The following SLC35F3 variants were observed in gnomAD, a reference collection of about 807,000 sequenced individuals.
SLC35F3 encodes putative thiamine transporter SLC35F3.
A neutral mutation model predicts 49.9 loss-of-function variants in SLC35F3; 25 were observed. The observed-to-expected ratio is 0.50, with a 90% CI of 0.37 to 0.70. The LOEUF (loss-of-function observed/expected upper bound fraction) is 0.70, where lower values mean the gene tolerates loss of function less well. Ranked by LOEUF, SLC35F3 falls within the 30% of genes least tolerant of loss-of-function variation. The probability of loss-of-function intolerance (pLI) is 0.00; values close to 1 mark genes in which losing one functional copy is unlikely to be tolerated. For synonymous variants in SLC35F3, 275 were observed against 265.4 expected, an observed-to-expected ratio of 1.04 and a Z score of -0.35; for missense variants, 525 against 639.8, an observed-to-expected ratio of 0.82 and a Z score of 1.94.
chr1:234,184,881 T>A (rs1666618520), intron 2 of SLC35F3, among the ~76,000 whole-genome samples: 1 of 152,174 alleles, frequency 6.6e-6, no homozygotes, highest in East Asian at 1.9e-4. Flanking sequence ...TGACAGCTTA[T>A]TAGAAATGCA....
intron 3 of SLC35F3, among the ~76,000 whole-genome samples, chr1:234,307,466 C>T (rs1657226748): frequency 6.6e-6 from 1 of 152,140 alleles, no homozygotes; most frequent in Admixed American, 6.5e-5. Context: ...ATAGTTGAGT[C>T]ATGAACAAAG....
chr1:233,914,015 T>G (rs1661927859), intron 2 of SLC35F3, among the ~76,000 whole-genome samples: 3 of 152,106 alleles, frequency 2.0e-5, no homozygotes, highest in South Asian at 4.1e-4. Context: ...TGACATGTCT[T>G]CATGAGAACC....
chr1:233,986,651 A>T (rs1274782526), intron 2 of SLC35F3, among the ~76,000 whole-genome samples: 1 of 152,142 alleles, frequency 6.6e-6, no homozygotes, highest in African/African-American at 2.4e-5. Flanking sequence ...TGCAGTTCTT[A>T]ATTGAATGAT....
intron 2 of SLC35F3, among the ~76,000 whole-genome samples, chr1:234,166,411 C>G (rs888729080): frequency 6.6e-6 from 1 of 152,210 alleles, no homozygotes; most frequent in Admixed American, 6.5e-5. Context: ...GGCATTTATC[C>G]ACCTTATAGT....
intron 3 of SLC35F3, among the ~76,000 whole-genome samples, chr1:234,250,901 C>G (rs190745649): frequency 3.9e-5 from 6 of 152,208 alleles, no homozygotes; most frequent in Admixed American, 2.6e-4. Flanking sequence ...CTGCACCAAG[C>G]CATTCAGGAG....
chr1:234,267,456 C>A (rs1430054420), intron 3 of SLC35F3, among the ~76,000 whole-genome samples: 68 of 140,268 alleles, frequency 4.8e-4, no homozygotes, highest in Admixed American at 7.0e-4. Flanking sequence ...TAGGGGCGGC[C>A]GGGCAGAAGC....
intron 2 of SLC35F3, among the ~76,000 whole-genome samples, chr1:234,076,535 C>T (rs535318869): frequency 4.0e-5 from 6 of 151,500 alleles, no homozygotes; most frequent in African/African-American, 1.5e-4. Flanking sequence ...AAACTTGGCT[C>T]ACTGCAACCT....
intron 2 of SLC35F3, among the ~76,000 whole-genome samples, chr1:234,179,194 G>A (rs559234073): frequency 3.7e-4 from 56 of 152,206 alleles, no homozygotes; most frequent in African/African-American, 1.3e-3. Context: ...GAACTCCTAC[G>A]CCGAGTGTTT....
chr1:234,057,793 C>A (rs919759796), intron 2 of SLC35F3, among the ~76,000 whole-genome samples: 6 of 152,148 alleles, frequency 3.9e-5, no homozygotes, highest in African/African-American at 1.2e-4. Flanking sequence ...GCAATCTCCA[C>A]CTCCCAGATT....
intron 2 of SLC35F3, among the ~76,000 whole-genome samples, chr1:234,071,602 A>G (rs1312756202): frequency 1.3e-5 from 2 of 152,232 alleles, no homozygotes; most frequent in African/African-American, 4.8e-5. Flanking sequence ...CATGAAAGTT[A>G]CAACAAATAA....
rs1664655489 is a variant in SLC35F3, at chr1:234,068,635, G to A, written c.284-162782G>A. On this transcript the variant is annotated intron_variant, in intron 2 of 7. Transcript: ENST00000366618. ...AGTACAGTAGGAGCAGGAATAGCCA[G>A]TAATCTGGGAGTCAGAGAGGTGTGT... 3.3e-5 allele frequency among the ~76,000 whole-genome samples: 5 copies of A among 151,604 alleles called. No homozygotes were observed. The South Asian group carries it at 8.3e-4, about 25-fold the overall frequency.
chr1:234,077,149 C>T (rs1391442787), intron 2 of SLC35F3, among the ~76,000 whole-genome samples: 1 of 151,472 alleles, frequency 6.6e-6, no homozygotes, highest in African/African-American at 2.4e-5. Context: ...GGACTACAGG[C>T]GCCCGCCACC....
rs535229901 is a variant in SLC35F3 at position 234,008,648 on chromosome 1, G to C, written c.283+102890G>C. 4.3e-4 allele frequency among the ~76,000 whole-genome samples: 65 copies of C among 152,324 alleles called. 1 individual carries two copies. The highest frequency in any genetic ancestry group is 4.1e-3 in the Admixed American group (62 of 15,302). ...GCTTAATGTTATACTTCATTAAACAGAAGCACTTGCTCTAGGAAGAGTTTC... is the reference window on the plus strand; with the variant it reads ...GCTTAATGTTATACTTCATTAAACACAAGCACTTGCTCTAGGAAGAGTTTC... On this transcript the variant is annotated intron_variant, in intron 2 of 7. Coordinates refer to ENST00000366618, the MANE Select transcript of SLC35F3 (RefSeq NM_173508.4).
At chr1:233,945,719 C>G (rs1293572899) in intron 2 of SLC35F3, among the ~76,000 whole-genome samples, 1 of 152,226 alleles carries the variant, frequency 6.6e-6, no homozygotes, top group East Asian at 1.9e-4. Flanking sequence ...ATGAGTAAGT[C>G]TCACGAGATC....
chr1:234,005,253 G>A lies in SLC35F3; in HGVS notation c.283+99495G>A, dbSNP rs186767652. On this transcript the variant is annotated intron_variant, in intron 2 of 7. Coordinates refer to ENST00000366618, the MANE Select transcript of SLC35F3 (RefSeq NM_173508.4). ...ATCAGAATGTTCTAAAACTACCCAGGACTAATAATAAGGAAGCAATTATTT... is the reference window on the plus strand; with the variant it reads ...ATCAGAATGTTCTAAAACTACCCAGAACTAATAATAAGGAAGCAATTATTT... Among the ~76,000 whole-genome samples the A allele has an allele frequency of 1.8e-4, 28 of 152,202 alleles. No homozygotes were observed. The East Asian group carries it at 4.2e-3, about 23-fold the overall frequency.
At chr1:233,961,199 A>G (rs1399230183) in intron 2 of SLC35F3, among the ~76,000 whole-genome samples, 1 of 152,172 alleles carries the variant, frequency 6.6e-6, no homozygotes, top group Non-Finnish European at 1.5e-5. Context: ...ACCTACGAGT[A>G]TCCGCTGAAT....
At position 234,027,238 on chromosome 1, in the gene SLC35F3, C is replaced by A; in HGVS notation, c.283+121480C>A. ...CTTGATGGCCTGCATCTGGGCTGCT[C>A]ACTGGGCCACAGAGGGCAGTGGCAG... is the stretch of plus-strand genomic sequence containing the variant. On this transcript the variant is annotated intron_variant, in intron 2 of 7. Transcript: ENST00000366618. This position sits in a 1 kb window ranked among gnomAD's most constrained non-coding sequence, Gnocchi z 4.1. The A allele has an allele frequency of 6.4e-6, 1 of 155,852 alleles. No individual in the cohort carries two copies. The highest frequency in any genetic ancestry group is 1.8e-4 in the South Asian group (1 of 5,570). The allele number at this position is 155,852 out of a possible 1,614,324, so 9.7% of individuals were successfully genotyped here. A position where few individuals can be genotyped will look rare whatever the true frequency, so the allele number is the denominator to read the frequency against.
At chr1:233,905,963 A>G (rs1055405151) in intron 2 of SLC35F3, among the ~76,000 whole-genome samples, 3 of 152,084 alleles carry the variant, frequency 2.0e-5, no homozygotes, top group Non-Finnish European at 2.9e-5. Flanking sequence ...GCGTTCTCTT[A>G]CACCCCTTCC....
chr1:233,933,289 A>G (rs549246442), intron 2 of SLC35F3, among the ~76,000 whole-genome samples: 2 of 152,234 alleles, frequency 1.3e-5, no homozygotes, highest in South Asian at 2.1e-4. Context: ...TTTAATTCCA[A>G]ATAGTCCAAC....
Sources: gnomAD v4.1 joint callset for allele counts (sites outside exome capture counted in the v4.1 genomes callset) on GRCh38, gnomAD v4.1.1 for gene constraint, Gnocchi (gnomAD v3.1) non-coding constraint, MANE v1.5 for transcripts, NCBI Gene and HGNC (gene_info 2026-07-23, HGNC 2026-07-21) for gene names.